PTPRT: variants seen among roughly 807,000 people sequenced by gnomAD.
The protein encoded by PTPRT is receptor-type tyrosine-protein phosphatase T.
In PTPRT, 56 loss-of-function variants were observed where a neutral mutation model predicts 176.8. The ratio of observed to expected loss-of-function variants is 0.32; its 90% CI spans 0.26 to 0.40. The LOEUF is 0.40. PTPRT is among the 10% of genes least tolerant of loss of function. The pLI is 1.00. For missense variants in PTPRT, 1,540 were observed against 1,908.2 expected (o/e 0.81, Z 3.60); for synonymous variants, 783 against 739.0 (o/e 1.06, Z -0.96).
chr20:42,352,543 GAGAT>G (rs1246842909), intron 9 of PTPRT, among the ~76,000 whole-genome samples: 1 of 152,172 alleles, frequency 6.6e-6, no homozygotes, highest in African/African-American at 2.4e-5. Context: ...TGAACTTACA[GAGAT>G]AGAGAGTAGA....
chr20:42,571,931 A>G (rs553487447), intron 7 of PTPRT, among the ~76,000 whole-genome samples: 14 of 152,156 alleles, frequency 9.2e-5, no homozygotes, highest in Non-Finnish European at 1.8e-4. Context: ...AATCTCATTA[A>G]CACCTGAGTT....
chr20:42,478,119 G>C (rs756564251), intron 7 of PTPRT, among the ~76,000 whole-genome samples: 2 of 152,222 alleles, frequency 1.3e-5, no homozygotes, highest in Admixed American at 6.5e-5. Flanking sequence ...TGGCTGTCTG[G>C]GGGCAGTGGA....
At chr20:42,033,521 A>G in the PTPRT span, among the ~76,000 whole-genome samples, 1 of 152,098 alleles carries the variant, frequency 6.6e-6, no homozygotes, top group South Asian at 2.1e-4. Flanking sequence ...TCTGAGGTGG[A>G]TCCTCCCTCT....
At chr20:43,170,704 C>A (rs184375014) in intron 1 of PTPRT, among the ~76,000 whole-genome samples, 1 of 152,124 alleles carries the variant, frequency 6.6e-6, no homozygotes, top group Non-Finnish European at 1.5e-5. Context: ...CCATTGACAG[C>A]GGGGAATCTG....
intron 2 of PTPRT, among the ~76,000 whole-genome samples, chr20:42,882,837 G>A (rs1041960080): frequency 6.6e-6 from 1 of 152,218 alleles, no homozygotes; most frequent in African/African-American, 2.4e-5. Context: ...GGTGCAACGG[G>A]AACCATTACA....
At chr20:42,878,247 A>T (rs574169693) in intron 2 of PTPRT, among the ~76,000 whole-genome samples, 1 of 152,368 alleles carries the variant, frequency 6.6e-6, no homozygotes, top group South Asian at 2.1e-4. Context: ...TTGCAATGGG[A>T]AACTATGAAA....
intron 2 of PTPRT, among the ~76,000 whole-genome samples, chr20:42,880,635 G>C (rs1473897581): frequency 3.3e-5 from 5 of 152,152 alleles, no homozygotes; most frequent in Admixed American, 1.3e-4. Flanking sequence ...GCCAAAGATG[G>C]GGAAGGCAGG....
intron 1 of PTPRT, among the ~76,000 whole-genome samples, chr20:42,921,132 G>A (rs961679227): frequency 1.1e-4 from 17 of 152,176 alleles, no homozygotes; most frequent in East Asian, 5.8e-4. Context: ...AAGCATGGTA[G>A]GGGGATGACA....
intron 1 of PTPRT, among the ~76,000 whole-genome samples, chr20:42,919,020 C>T (rs1006328456): frequency 5.9e-5 from 9 of 152,188 alleles, no homozygotes; most frequent in African/African-American, 1.2e-4. Flanking sequence ...GCTTCTCCCA[C>T]GTCTCAGGGA....
intron 1 of PTPRT, among the ~76,000 whole-genome samples, chr20:43,133,379 T>C (rs1307248382): frequency 1.3e-5 from 2 of 152,128 alleles, no homozygotes; most frequent in Non-Finnish European, 2.9e-5. Flanking sequence ...ACAAAAGGGA[T>C]GAAAGAAATA....
At chr20:42,400,790 G>A (rs900791966) in intron 9 of PTPRT, among the ~76,000 whole-genome samples, 1 of 152,310 alleles carries the variant, frequency 6.6e-6, no homozygotes, top group Middle Eastern at 3.4e-3. Flanking sequence ...ATTAGAGCAG[G>A]TAGTGTGACA....
chr20:42,942,748 T>C (rs1230418558), intron 1 of PTPRT, among the ~76,000 whole-genome samples: 1 of 152,212 alleles, frequency 6.6e-6, no homozygotes, highest in Non-Finnish European at 1.5e-5. Context: ...CAAGCCTCAA[T>C]ATTTTATCCT....
At chr20:42,034,345 G>T in the PTPRT span, among the ~76,000 whole-genome samples, 1 of 152,076 alleles carries the variant, frequency 6.6e-6, no homozygotes, top group Non-Finnish European at 1.5e-5. Context: ...TCTCCAGCTT[G>T]CTTCATCAGA....
chr20:42,906,614 A>C (rs1359883464), intron 1 of PTPRT, among the ~76,000 whole-genome samples: 2 of 152,100 alleles, frequency 1.3e-5, no homozygotes, highest in East Asian at 3.9e-4. Context: ...TCAGTTGTAA[A>C]CATTCATCCC....
intron 1 of PTPRT, among the ~76,000 whole-genome samples, chr20:42,986,409 C>T (rs1983583481): frequency 6.6e-6 from 1 of 152,154 alleles, no homozygotes; most frequent in Admixed American, 6.5e-5. Context: ...TGAAAATAGA[C>T]CTAAGCATTC....
At chr20:42,897,462 G>A (rs1025867837) in intron 1 of PTPRT, among the ~76,000 whole-genome samples, 4 of 152,314 alleles carry the variant, frequency 2.6e-5, no homozygotes, top group Admixed American at 1.3e-4. Flanking sequence ...GATCAGAGAC[G>A]TGTTTCGACT....
At chr20:42,250,879 C>A (rs973863066) in intron 13 of PTPRT, among the ~76,000 whole-genome samples, 1 of 152,192 alleles carries the variant, frequency 6.6e-6, no homozygotes, top group Non-Finnish European at 1.5e-5. Flanking sequence ...AATGGCAAAA[C>A]CAACTCATCA....
chr20:42,356,690 C>T (rs997159556), intron 9 of PTPRT, among the ~76,000 whole-genome samples: 1 of 152,060 alleles, frequency 6.6e-6, no homozygotes, highest in African/African-American at 2.4e-5. Context: ...GAGTGAAACT[C>T]CCTCTCAACA....
chr20:42,496,008 A>G (rs1352010496), intron 7 of PTPRT, among the ~76,000 whole-genome samples: 1 of 152,228 alleles, frequency 6.6e-6, no homozygotes, highest in Non-Finnish European at 1.5e-5. Flanking sequence ...ATTTTGTGTT[A>G]TATGTATTAT....
Sources: allele counts gnomAD v4.1 joint callset (sites outside exome capture counted in the v4.1 genomes callset), GRCh38; gene constraint gnomAD v4.1.1; transcripts MANE v1.5; gene names NCBI Gene and HGNC (gene_info 2026-07-23, HGNC 2026-07-21).